The following KDR variants were observed in gnomAD, a reference collection of about 807,000 sequenced individuals.
KDR encodes kinase insert domain receptor.
Under a neutral mutation model 160.9 loss-of-function variants are expected in KDR, and 43 were observed. That is an observed-to-expected ratio of 0.27 (90% CI 0.21 to 0.34). The LOEUF is 0.34. Among genes scored for constraint, KDR ranks in the 10% least tolerant of loss-of-function variants. The pLI is 1.00. For synonymous variants in KDR, 617 were observed against 600.1 expected, an observed-to-expected ratio of 1.03 and a Z score of -0.41; for missense variants, 1,469 against 1,666.4, an observed-to-expected ratio of 0.88 and a Z score of 2.06.
At chr4:55,113,707 GAGATGGATATAAACTGC>G (rs1488056935) in intron 6 of KDR, among the ~76,000 whole-genome samples, 5 of 152,210 alleles carry the variant, frequency 3.3e-5, no homozygotes, top group African/African-American at 4.8e-5. Context: ...TGGTGAAAGT[GAGATGGATATAAACTGC>G]AGAAACACAA....
chr4:55,114,491 T>C lies in KDR; in HGVS notation c.659-226A>G, dbSNP rs531672609. On this transcript the variant is annotated intron_variant, in intron 5 of 29. Coordinates refer to ENST00000263923, the MANE Select transcript of KDR (RefSeq NM_002253.4). The stretch of plus-strand genomic sequence containing the variant: ...TGTAACCCAGTGGACAGAAAAGTAG[T>C]AAACTTTCAGTGGTCAGTAGCCCTA... 5.3e-5 allele frequency among the ~76,000 whole-genome samples: 8 copies of C among 152,330 alleles called. No individual in the cohort carries two copies. In the East Asian group the frequency reaches 1.3e-3, roughly 26 times the overall value.
At chr4:55,122,500 G>A (rs1248917408) in intron 1 of KDR, among the ~76,000 whole-genome samples, 2 of 152,110 alleles carry the variant, frequency 1.3e-5, no homozygotes, top group African/African-American at 4.8e-5. Context: ...TAAATAGAGA[G>A]AGTATAAGTA....
chr4:55,100,145 G>A (rs1243664772), intron 15 of KDR, among the ~76,000 whole-genome samples: 3 of 152,164 alleles, frequency 2.0e-5, no homozygotes, highest in Admixed American at 1.3e-4. Context: ...CAAGCTGTGC[G>A]GATGGCCCAC....
At chr4:55,120,732 T>C (rs1228071815) in intron 2 of KDR, among the ~76,000 whole-genome samples, 2 of 152,192 alleles carry the variant, frequency 1.3e-5, no homozygotes, top group Admixed American at 1.3e-4. Flanking sequence ...TTCAACTCTA[T>C]TCCTTAAATG....
At chr4:55,099,866 G>A (rs991152531) in intron 15 of KDR, among the ~76,000 whole-genome samples, 1 of 152,138 alleles carries the variant, frequency 6.6e-6, no homozygotes, top group African/African-American at 2.4e-5. Flanking sequence ...GAGTCTGAGT[G>A]AGGAGAAGAG....
In KDR at chr4:55,101,987, T is replaced by G; in HGVS notation, c.2176A>C (p.Arg726=). Reference sequence around the variant, plus strand: ...AGGCCTTCGTCCTCCTTCCTCACTCTGCGGATAGTGAGGTTCCGGTTCCCA... The same window carrying G: ...AGGCCTTCGTCCTCCTTCCTCACTCGGCGGATAGTGAGGTTCCGGTTCCCA... ...KDGNRNLTIR[R]VRKEDEGLYT... is the part of the protein sequence containing the mutation. The change falls in exon 15 of 30, where the codon AGA becomes CGA. Residue 726 remains arginine, a synonymous_variant. Coordinates refer to ENST00000263923, the MANE Select transcript of KDR (RefSeq NM_002253.4). 6.2e-7 allele frequency: 1 copy of G among 1,613,704 alleles called. No homozygotes were observed. Among genetic ancestry groups the G allele is most frequent in the East Asian group, 2.2e-5 (1 of 44,862 alleles).
chr4:55,081,149 A>G (rs1719726627), intron 29 of KDR, among the ~76,000 whole-genome samples: 1 of 152,236 alleles, frequency 6.6e-6, no homozygotes, highest in Admixed American at 6.5e-5. Context: ...TAAAGAAAAC[A>G]ATAAAATAGC....
intron 28 of KDR, 117 bp downstream of exon 28, chr4:55,082,419 A>T (rs748090622): frequency 1.3e-6 from 1 of 758,356 alleles, no homozygotes; most frequent in Non-Finnish European, 2.3e-6. Context: ...TGATACACAC[A>T]CTCGAGGGCA....
intron 7 of KDR, among the ~76,000 whole-genome samples, chr4:55,111,316 C>A (rs1359955902): frequency 1.3e-5 from 2 of 152,208 alleles, no homozygotes; most frequent in South Asian, 4.1e-4. Flanking sequence ...ATAAACATAT[C>A]TAACACTGTT....
At position 55,089,399 on chromosome 4, in the gene KDR, C is replaced by T; in HGVS notation, c.3379G>A (p.Ala1127Thr). 1 of 1,611,550 alleles carries T rather than the reference C, an allele frequency of 6.2e-7. No individual in the cohort carries two copies. ...ATTTCTGGTGTAGTATAATCAGGGGCCCTCATTCTAGTTCCTTCTTTCAAT... is the reference window on the plus strand; with the variant it reads ...ATTTCTGGTGTAGTATAATCAGGGGTCCTCATTCTAGTTCCTTCTTTCAAT... ...RRLKEGTRMR[A>T]PDYTTPEMYQ... The change falls in exon 25 of 30, where the codon GCC (alanine) becomes ACC (threonine). Residue 1127 changes from alanine (A) to threonine (T), a missense_variant. Ala to Thr is a moderately conservative substitution (Grantham distance 58). Coordinates refer to ENST00000263923, the MANE Select transcript of KDR (RefSeq NM_002253.4).
At chr4:55,115,478 G>A in intron 3 of KDR, 67 bp from the exon 4 acceptor site, 1 of 856,064 alleles carries the variant, frequency 1.2e-6, no homozygotes. Flanking sequence ...CATTTTTCAG[G>A]TTCCTAAACT....
chr4:55,078,873 AG>A lies in KDR; in HGVS notation c.*1067del. The A allele has an allele frequency of 4.3e-6, 1 of 233,288 alleles. No homozygotes were observed. The highest frequency in any genetic ancestry group is 8.5e-6 in the Non-Finnish European group (1 of 118,024). The allele number at this position is 233,288 out of a possible 1,614,324, so 14.5% of individuals were successfully genotyped here. A position where few individuals can be genotyped will look rare whatever the true frequency, so the allele number is the denominator to read the frequency against. On this transcript the variant is annotated 3_prime_UTR_variant, in exon 30 of 30. Transcript: ENST00000263923. ...ATTCAGAGAGTGAACAAACCCAATC[AG>A]GTTTACTGGAGTAGAGGCCAAATAA...
intron 4 of KDR, 40 bp from the exon 5 acceptor site, chr4:55,115,082 C>T (rs775668049): frequency 6.8e-5 from 105 of 1,539,500 alleles, no homozygotes; most frequent in Middle Eastern, 5.1e-4. Flanking sequence ...TAATCCAGTA[C>T]CAAAAATGAG....
At chr4:55,092,027 G>T (rs1237743802) in intron 22 of KDR, among the ~76,000 whole-genome samples, 2 of 152,130 alleles carry the variant, frequency 1.3e-5, no homozygotes, top group Admixed American at 6.6e-5. Flanking sequence ...GGATGTTGAT[G>T]AATGTAAAAT....
chr4:55,100,383 A>G (rs981221651), intron 15 of KDR, among the ~76,000 whole-genome samples: 1 of 152,168 alleles, frequency 6.6e-6, no homozygotes, highest in Non-Finnish European at 1.5e-5. Context: ...TCTGTTTTCT[A>G]TGTGTTTGTA....
chr4:55,098,349 A>G, intron 16 of KDR, 77 bp from the exon 17 acceptor site: 2 of 1,524,526 alleles, frequency 1.3e-6, no homozygotes, highest in South Asian at 2.3e-5. Flanking sequence ...ATTGCTGTTT[A>G]TTGGAGCCTC....
At chr4:55,097,577 C>G in intron 18 of KDR, 85 bp downstream of exon 18, 2 of 905,588 alleles carry the variant, frequency 2.2e-6, no homozygotes, top group Non-Finnish European at 3.6e-6. Flanking sequence ...CCCACATAAG[C>G]ACAAAGCTAC....
At chr4:55,122,591 C>A (rs1028417621) in intron 1 of KDR, among the ~76,000 whole-genome samples, 2 of 152,196 alleles carry the variant, frequency 1.3e-5, no homozygotes, top group African/African-American at 2.4e-5. Flanking sequence ...TAAGTGACTG[C>A]ACATGTTCTC....
At chr4:55,120,097 A>C (rs1420616816) in intron 2 of KDR, among the ~76,000 whole-genome samples, 1 of 152,246 alleles carries the variant, frequency 6.6e-6, no homozygotes, top group African/African-American at 2.4e-5. Flanking sequence ...AAAGCTAGAG[A>C]AACAGCACCT....
Sources: allele counts gnomAD v4.1 joint callset (sites outside exome capture counted in the v4.1 genomes callset), GRCh38; gene constraint gnomAD v4.1.1; transcripts MANE v1.5; gene names NCBI Gene and HGNC (gene_info 2026-07-23, HGNC 2026-07-21).